UNKL: variants seen among roughly 807,000 people sequenced by gnomAD.
UNKL encodes the protein unk like zinc finger.
In UNKL, 60 loss-of-function variants were observed where a neutral mutation model predicts 78.0. The observed-to-expected ratio is 0.77, with a 90% CI of 0.63 to 0.95. The LOEUF (loss-of-function observed/expected upper bound fraction) is 0.95. UNKL is among the 40% of genes least tolerant of loss of function. The pLI, the probability that UNKL is intolerant of heterozygous loss-of-function variation, is 0.00. For synonymous variants in UNKL, 608 were observed against 474.8 expected (o/e 1.28, Z -3.65); for missense variants, 1,159 against 1,045.7 (o/e 1.11, Z -1.49).
intron 10 of UNKL, among the ~76,000 whole-genome samples, chr16:1,380,427 G>A (rs1478121771): frequency 1.3e-5 from 2 of 152,152 alleles, no homozygotes; most frequent in African/African-American, 4.8e-5. Context: ...CTGAGCCTGG[G>A]GCGCAGGAGT....
rs989315111 is a variant in UNKL, at chr16:1,365,494, C to G, written c.*746G>C. On this transcript the variant is annotated 3_prime_UTR_variant, in exon 15 of 15. Coordinates refer to ENST00000389221, the MANE Select transcript of UNKL (RefSeq NM_001372107.1). ...GCAGGACGGAGCTCTCCTGCTCCCA[C>G]GCCACGAGGCTGGAACATCAGCCCC... 6.6e-6 allele frequency: 1 copy of G among 152,510 alleles called. No homozygotes were observed. The highest frequency in any genetic ancestry group is 2.4e-5 in the African/African-American group (1 of 41,454). 9.4% of individuals were successfully genotyped at this position (152,510 alleles called of 1,614,324 possible).
At chr16:1,379,712 T>TGGCCC in intron 10 of UNKL, 1 of 969,598 alleles carries the variant, frequency 1.0e-6, no homozygotes, top group Non-Finnish European at 1.2e-6. Context: ...CCCTCCGCGC[T>TGGCCC]GGCCCCGCCC....
intron 6 of UNKL, among the ~76,000 whole-genome samples, chr16:1,395,251 T>C (rs1236512827): frequency 1.4e-5 from 2 of 144,604 alleles, no homozygotes; most frequent in Non-Finnish European, 3.0e-5. Context: ...CACTGCAACC[T>C]CTGCCTCCTG....
At chr16:1,405,002 T>C (rs957318499) in intron 2 of UNKL, among the ~76,000 whole-genome samples, 5 of 152,098 alleles carry the variant, frequency 3.3e-5, no homozygotes, top group Non-Finnish European at 7.4e-5. Flanking sequence ...AAGACTAGCC[T>C]GGGCAACATG....
At chr16:1,405,975 T>C (rs1388241801) in intron 2 of UNKL, 1 of 456,568 alleles carries the variant, frequency 2.2e-6, no homozygotes, top group Non-Finnish European at 4.4e-6. Flanking sequence ...TGCATCAAAA[T>C]CACCTAGGAG....
chr16:1,363,391 A>C lies in UNKL; in HGVS notation c.*2849T>G. 52 of 402,720 alleles carry C rather than the reference A, an allele frequency of 1.3e-4. No homozygotes were observed. The highest frequency in any genetic ancestry group is 2.2e-4 in the East Asian group (4 of 17,824). 24.9% of individuals were successfully genotyped at this position (402,720 alleles called of 1,614,324 possible). A position where few individuals can be genotyped will look rare whatever the true frequency, so the allele number is the denominator to read the frequency against. On this transcript the variant is annotated 3_prime_UTR_variant, in exon 15 of 15. Transcript: ENST00000389221. Reference sequence around the variant, plus strand: ...AAAATTCCATTCAAATAACATTCTCATGTAAATACTCAAACATACAGATTG... The same window carrying C: ...AAAATTCCATTCAAATAACATTCTCCTGTAAATACTCAAACATACAGATTG...
intron 4 of UNKL, among the ~76,000 whole-genome samples, chr16:1,400,537 ATGGGG>A (rs2037480732): frequency 6.8e-6 from 1 of 147,374 alleles, no homozygotes; most frequent in African/African-American, 2.5e-5. Context: ...CAGGGAGGGG[ATGGGG>A]AGGAACTGCT....
intron 3 of UNKL, among the ~76,000 whole-genome samples, chr16:1,402,892 G>A (rs1030765861): frequency 2.0e-5 from 3 of 150,814 alleles, no homozygotes; most frequent in Admixed American, 1.3e-4. Flanking sequence ...CTCGGGCAGC[G>A]GAGGCAGGAG....
chr16:1,369,105 G>A lies in UNKL; in HGVS notation c.1585+1025C>T, dbSNP rs531034417. ...TTTTGAAATGGAGTCTAGCTCTATC[G>A]CCAGGCTGGATTGGAGTGCAGTGGC... On this transcript the variant is annotated intron_variant, in intron 12 of 14. Transcript: ENST00000389221. 2.3e-3 allele frequency among the ~76,000 whole-genome samples: 251 copies of A among 111,538 alleles called. 1 individual carries two copies. Among genetic ancestry groups the A allele is most frequent in the Non-Finnish European group, 3.4e-3 (204 of 60,450 alleles). 73.2% of individuals were successfully genotyped at this position (111,538 alleles called of 152,430 possible). A position where few individuals can be genotyped will look rare whatever the true frequency, so the allele number is the denominator to read the frequency against.
chr16:1,377,881 AC>A (rs1178692180), intron 10 of UNKL, among the ~76,000 whole-genome samples: 2 of 151,630 alleles, frequency 1.3e-5, no homozygotes, highest in Admixed American at 1.3e-4. Context: ...CTCAACCCAC[AC>A]CCCCTGAGGC....
In UNKL at chr16:1,414,657, A is replaced by T. The variant is rs2038203639; in HGVS notation, c.35T>A (p.Leu12Gln). The T allele has an allele frequency of 4.4e-6, 5 of 1,147,458 alleles. No homozygotes were observed. In the South Asian group the frequency reaches 9.1e-5, roughly 21 times the overall value. The allele number at this position is 1,147,458 out of a possible 1,614,324, so 71.1% of individuals were successfully genotyped here. A position where few individuals can be genotyped will look rare whatever the true frequency, so the allele number is the denominator to read the frequency against. ...PSVSKAAAAA[L>Q]SGSPPQTEKP... Reference sequence around the variant, plus strand: ...CTCAGTCTGCGGGGGGGACCCGCTCAGCGCCGCTGCCGCCGCTTTCGAAAC... The same window carrying T: ...CTCAGTCTGCGGGGGGGACCCGCTCTGCGCCGCTGCCGCCGCTTTCGAAAC... The change falls in exon 1 of 15, where the codon CTG becomes CAG. Residue 12 changes from leucine to glutamine, a missense_variant. Transcript: ENST00000389221.
intron 14 of UNKL, 39 bp downstream of exon 14, chr16:1,367,053 G>A (rs1277458439): frequency 2.7e-6 from 4 of 1,481,314 alleles, no homozygotes; most frequent in Admixed American, 2.2e-5. Context: ...CAGCCCTGCA[G>A]GCAGGCTGGC....
intron 2 of UNKL, among the ~76,000 whole-genome samples, chr16:1,408,269 C>G (rs1441249653): frequency 1.3e-5 from 2 of 152,208 alleles, no homozygotes; most frequent in African/African-American, 2.4e-5. Context: ...TGCCCCCCCC[C>G]CCAACGACCA....
rs1188214610 is a variant in UNKL at position 1,414,656 on chromosome 16, C to T, written c.36G>A (p.Leu12=). 8.7e-7 allele frequency: 1 copy of T among 1,149,846 alleles called. No homozygotes were observed. Among genetic ancestry groups the T allele is most frequent in the South Asian group, 2.3e-5 (1 of 43,892 alleles). 71.2% of individuals were successfully genotyped at this position (1,149,846 alleles called of 1,614,324 possible). Residue 12 remains leucine, a synonymous_variant, in exon 1 of 15, where the codon CTG becomes CTA. Coordinates refer to ENST00000389221, the MANE Select transcript of UNKL (RefSeq NM_001372107.1). ...TCTCAGTCTGCGGGGGGGACCCGCT[C>T]AGCGCCGCTGCCGCCGCTTTCGAAA... is the stretch of plus-strand genomic sequence containing the variant. ...PSVSKAAAAA[L]SGSPPQTEKP...
At chr16:1,374,980 G>A (rs999357908) in intron 10 of UNKL, among the ~76,000 whole-genome samples, 1 of 152,212 alleles carries the variant, frequency 6.6e-6, no homozygotes, top group Non-Finnish European at 1.5e-5. Flanking sequence ...TGGGGCACGT[G>A]GCCTGCACCT....
chr16:1,367,032 G>A (rs1193545800), intron 14 of UNKL, 60 bp downstream of exon 14: 2 of 1,463,314 alleles, frequency 1.4e-6, no homozygotes, highest in Non-Finnish European at 1.8e-6. Context: ...GCCCTCCCCA[G>A]ACAGGGACAG....
chr16:1,367,730 G>C lies in UNKL; in HGVS notation c.1714C>G (p.Arg572Gly), dbSNP rs1053474143. The C allele has an allele frequency of 3.2e-6, 5 of 1,579,044 alleles. No individual in the cohort carries two copies. In the South Asian group the frequency reaches 3.5e-5, roughly 11 times the overall value. The change falls in exon 13 of 15, where the codon CGG becomes GGG. Residue 572 changes from arginine to glycine, a missense_variant. Arg to Gly is a moderately radical substitution (Grantham distance 125). Coordinates refer to ENST00000389221, the MANE Select transcript of UNKL (RefSeq NM_001372107.1). ...GCCTCGTCCAGCTGCCGCCTGACCC[G>C]GGCCAGCTCAGCTCCGTTTGGACTT... is the stretch of plus-strand genomic sequence containing the variant. The part of the protein sequence containing the change: ...SASPNGAELA[R>G]VRRQLDEAKR...
chr16:1,398,010 G>A (rs1250693833), intron 5 of UNKL, among the ~76,000 whole-genome samples: 1 of 152,260 alleles, frequency 6.6e-6, no homozygotes, highest in Non-Finnish European at 1.5e-5. Context: ...GTTCTTCACA[G>A]AATTTAACTT....
chr16:1,374,319 C>A (rs2036048601), intron 10 of UNKL, among the ~76,000 whole-genome samples: 2 of 152,208 alleles, frequency 1.3e-5, no homozygotes, highest in African/African-American at 4.8e-5. Flanking sequence ...TCCCTGCTGG[C>A]TGCAAGTTCT....
Sources: allele counts gnomAD v4.1 joint callset (sites outside exome capture counted in the v4.1 genomes callset), GRCh38; gene constraint gnomAD v4.1.1; transcripts MANE v1.5; gene names NCBI Gene and HGNC (gene_info 2026-07-23, HGNC 2026-07-21).